The following MED27 variants were observed in gnomAD, a reference collection of about 807,000 sequenced individuals.
MED27 encodes the protein mediator complex subunit 27, also known as mediator of RNA polymerase II transcription subunit 27.
Under a neutral mutation model 38.2 loss-of-function variants are expected in MED27, and 30 were observed. The ratio of observed to expected loss-of-function variants is 0.79; its 90% confidence interval spans 0.59 to 1.07. The LOEUF (loss-of-function observed/expected upper bound fraction) is 1.07. MED27 is among the 50% of genes least tolerant of loss of function. The probability of loss-of-function intolerance (pLI) is 0.00; values close to 1 mark genes in which losing one functional copy is unlikely to be tolerated. For synonymous variants in MED27, 122 were observed against 153.5 expected (o/e 0.79, Z 1.52); for missense variants, 289 against 397.5 (o/e 0.73, Z 2.32).
At chr9:131,891,851 G>C (rs183110898) in intron 5 of MED27, among the ~76,000 whole-genome samples, 3 of 152,274 alleles carry the variant, frequency 2.0e-5, no homozygotes, top group South Asian at 2.1e-4. Context: ...AGGAGCGAGA[G>C]GGGTGGAGAG....
chr9:132,009,591 G>A (rs1048827080), intron 3 of MED27, among the ~76,000 whole-genome samples: 4 of 152,230 alleles, frequency 2.6e-5, no homozygotes, highest in African/African-American at 7.2e-5. Flanking sequence ...GCACCAACTT[G>A]CCTGCCATGT....
chr9:132,052,979 C>T (rs1438274203), intron 2 of MED27, among the ~76,000 whole-genome samples: 2 of 151,540 alleles, frequency 1.3e-5, no homozygotes, highest in East Asian at 2.0e-4. Context: ...CAGGGCTGGG[C>T]GGGGTGGCTC....
intron 3 of MED27, among the ~76,000 whole-genome samples, chr9:132,004,840 C>T (rs1832322413): frequency 1.3e-5 from 2 of 152,200 alleles, no homozygotes; most frequent in African/African-American, 2.4e-5. Context: ...GAGCAGCACA[C>T]AGAGGAACGA....
At chr9:131,969,126 C>T (rs577046395) in intron 3 of MED27, among the ~76,000 whole-genome samples, 9 of 152,168 alleles carry the variant, frequency 5.9e-5, no homozygotes, top group East Asian at 1.9e-4. Context: ...TGAAATAAAG[C>T]GCACAATGAA....
chr9:131,981,953 C>A (rs893657328), intron 3 of MED27, among the ~76,000 whole-genome samples: 11 of 152,174 alleles, frequency 7.2e-5, no homozygotes, highest in African/African-American at 2.7e-4. Flanking sequence ...GCACTTACTA[C>A]CCCAGACCCT....
At chr9:131,879,462 C>T (rs369615872) in intron 6 of MED27, among the ~76,000 whole-genome samples, 6 of 152,202 alleles carry the variant, frequency 3.9e-5, no homozygotes, top group African/African-American at 1.4e-4. Context: ...TGCGGTTCTA[C>T]CTCAGCTAGA....
chr9:131,955,925 GA>G (rs1564298445), intron 3 of MED27, among the ~76,000 whole-genome samples: 1 of 151,414 alleles, frequency 6.6e-6, no homozygotes, highest in East Asian at 1.9e-4. Flanking sequence ...CACTACAAAA[GA>G]AAAAGAAAGT....
At chr9:132,037,369 T>C (rs926437424) in intron 2 of MED27, among the ~76,000 whole-genome samples, 2 of 152,186 alleles carry the variant, frequency 1.3e-5, no homozygotes, top group Non-Finnish European at 1.5e-5. Flanking sequence ...TAGTCGCATA[T>C]GGTGGTTTTC....
intron 4 of MED27, among the ~76,000 whole-genome samples, chr9:131,911,412 T>C (rs1830184849): frequency 6.6e-6 from 1 of 152,212 alleles, no homozygotes; most frequent in Non-Finnish European, 1.5e-5. Flanking sequence ...TAGCTTTGCT[T>C]GGTTCCATGG....
chr9:132,007,503 A>C (rs1832384929), intron 3 of MED27, among the ~76,000 whole-genome samples: 1 of 152,198 alleles, frequency 6.6e-6, no homozygotes. Context: ...AGGCAAAGCT[A>C]AGGTATAAGT....
chr9:131,954,562 A>C (rs1035009251), intron 3 of MED27, among the ~76,000 whole-genome samples: 1 of 152,190 alleles, frequency 6.6e-6, no homozygotes, highest in African/African-American at 2.4e-5. Flanking sequence ...CCTGAAGCTG[A>C]GAAGTCTTGT....
At chr9:131,931,380 T>A (rs1830583756) in intron 4 of MED27, among the ~76,000 whole-genome samples, 1 of 150,384 alleles carries the variant, frequency 6.6e-6, no homozygotes, top group African/African-American at 2.4e-5. Flanking sequence ...CAGCAAAAAA[T>A]TAAATCATAC....
At chr9:132,070,916 G>A (rs1833921767) in intron 2 of MED27, among the ~76,000 whole-genome samples, 3 of 151,944 alleles carry the variant, frequency 2.0e-5, no homozygotes, top group Middle Eastern at 3.2e-3. Flanking sequence ...AAAAGGTGCT[G>A]ATTATTCAAC....
At chr9:132,053,246 C>G (rs1313250109) in intron 2 of MED27, among the ~76,000 whole-genome samples, 1 of 150,210 alleles carries the variant, frequency 6.7e-6, no homozygotes, top group Non-Finnish European at 1.5e-5. Flanking sequence ...GAGCGAGACT[C>G]CCGTCTCAAA....
At chr9:131,969,904 A>G (rs1322366171) in intron 3 of MED27, among the ~76,000 whole-genome samples, 1 of 152,198 alleles carries the variant, frequency 6.6e-6, no homozygotes, top group Non-Finnish European at 1.5e-5. Context: ...AGAACTCCCC[A>G]TGATCCACAG....
intron 3 of MED27, among the ~76,000 whole-genome samples, chr9:131,994,363 T>TCTGCACTGCCTCCCCCCCCCCCAATA (rs1832045056): frequency 6.6e-6 from 1 of 152,212 alleles, no homozygotes; most frequent in African/African-American, 2.4e-5. Flanking sequence ...ACACCCTGCT[T>TCTGCACTGCCTCCCCCCCCCCCAATA]CTGCACTGCC....
chr9:131,972,852 AC>A (rs1831510905), intron 3 of MED27, among the ~76,000 whole-genome samples: 1 of 152,202 alleles, frequency 6.6e-6, no homozygotes, highest in Non-Finnish European at 1.5e-5. Flanking sequence ...GTTTGAGACC[AC>A]CCTGGCCAAC....
intron 3 of MED27, among the ~76,000 whole-genome samples, chr9:131,949,424 C>G (rs1218180149): frequency 1.3e-5 from 2 of 152,120 alleles, no homozygotes; most frequent in Admixed American, 6.5e-5. Flanking sequence ...AAGCAGAAAA[C>G]TCCTGTTTTA....
At chr9:132,055,561 G>C (rs1833558274) in intron 2 of MED27, among the ~76,000 whole-genome samples, 1 of 152,176 alleles carries the variant, frequency 6.6e-6, no homozygotes, top group Non-Finnish European at 1.5e-5. Context: ...ATTTAGATGT[G>C]GGTCAACTCA....
Sources: gnomAD v4.1 joint callset for allele counts (sites outside exome capture counted in the v4.1 genomes callset) on GRCh38, gnomAD v4.1.1 for gene constraint, MANE v1.5 for transcripts, NCBI Gene and HGNC (gene_info 2026-07-23, HGNC 2026-07-21) for gene names.